The following AHI1 variants were observed in gnomAD, a reference collection of about 807,000 sequenced individuals.
AHI1 encodes Abelson helper integration site 1.
AHI1 carries 123 observed loss-of-function variants against 149.3 expected under a neutral mutation model. That is an observed-to-expected ratio of 0.82 (90% CI 0.71 to 0.96). AHI1 has a LOEUF of 0.96. Ranked by LOEUF, AHI1 falls within the 40% of genes least tolerant of loss-of-function variation. The pLI is 0.00. For synonymous variants in AHI1, 475 were observed against 459.8 expected (o/e 1.03, Z -0.42); for missense variants, 1,439 against 1,422.7 (o/e 1.01, Z -0.18).
At chr6:135,367,430 T>C (rs2128451293) in intron 23 of AHI1, among the ~76,000 whole-genome samples, 1 of 152,268 alleles carries the variant, frequency 6.6e-6, no homozygotes, top group South Asian at 2.1e-4. Flanking sequence ...GACGTTTCCC[T>C]AGATTATTCC....
chr6:135,400,020 GTTATCTT>G (rs962135988), intron 22 of AHI1, among the ~76,000 whole-genome samples: 1 of 151,980 alleles, frequency 6.6e-6, no homozygotes, highest in Admixed American at 6.6e-5. Flanking sequence ...GTCCCCAATA[GTTATCTT>G]TTCTGCTCCT....
intron 10 of AHI1, 122 bp downstream of exon 10, chr6:135,455,612 A>C: frequency 4.3e-6 from 3 of 701,196 alleles, no homozygotes; most frequent in Non-Finnish European, 6.5e-6. Context: ...ACTAAATCCT[A>C]GAGATTAAAT....
intron 24 of AHI1, among the ~76,000 whole-genome samples, chr6:135,349,279 G>T (rs984709386): frequency 1.3e-5 from 2 of 152,154 alleles, no homozygotes; most frequent in Non-Finnish European, 2.9e-5. Context: ...CACCACACCT[G>T]CCCCTTTTCT....
chr6:135,297,816 T>C (rs1284009162), intron 27 of AHI1, among the ~76,000 whole-genome samples: 2 of 151,828 alleles, frequency 1.3e-5, no homozygotes, highest in Non-Finnish European at 2.9e-5. Flanking sequence ...TAAAGAGAAA[T>C]GAAAGAGCCT....
intron 5 of AHI1, among the ~76,000 whole-genome samples, chr6:135,484,876 A>T (rs1794240053): frequency 6.6e-6 from 1 of 152,120 alleles, no homozygotes; most frequent in Admixed American, 6.5e-5. Context: ...CCCTTTTAAG[A>T]ACAGAATATC....
At chr6:135,411,020 G>C (rs554532133) in intron 21 of AHI1, among the ~76,000 whole-genome samples, 1 of 152,208 alleles carries the variant, frequency 6.6e-6, no homozygotes, top group East Asian at 1.9e-4. Flanking sequence ...TAAAGTCACA[G>C]CTTCTCTTTC....
chr6:135,455,646 CT>C, intron 10 of AHI1, 87 bp downstream of exon 10: 1 of 1,039,446 alleles, frequency 9.6e-7, no homozygotes, highest in Non-Finnish European at 1.3e-6. Flanking sequence ...TTTTTTTTGC[CT>C]TACTGGACTA....
chr6:135,478,422 G>A lies in AHI1; in HGVS notation c.136-10788C>T, dbSNP rs746218029. Among the ~76,000 whole-genome samples, 11 of 152,116 alleles carry A rather than the reference G, an allele frequency of 7.2e-5. No homozygotes were observed. In the East Asian group the frequency reaches 1.4e-3, roughly 19 times the overall value. On this transcript the variant is annotated intron_variant, in intron 5 of 28. Coordinates refer to ENST00000265602, the MANE Select transcript of AHI1 (RefSeq NM_001134831.2). ...TTGCTATACTTTAGCAGAGACTGGCGGCACTGTGACCCTGCTCTAGAGATA... is the reference window on the plus strand; with the variant it reads ...TTGCTATACTTTAGCAGAGACTGGCAGCACTGTGACCCTGCTCTAGAGATA...
chr6:135,419,058 G>T lies in AHI1; in HGVS notation c.2765-7514C>A, dbSNP rs548887675. Among the ~76,000 whole-genome samples the T allele has an allele frequency of 1.2e-3, 184 of 151,648 alleles. 1 individual carries two copies. Among genetic ancestry groups the T allele is most frequent in the African/African-American group, 4.1e-3 (169 of 41,332 alleles). ...CTATAGACTTAACACTTCAATTCTG[G>T]TAGCCTGTGTTTCAGGGCCTGTTAG... On this transcript the variant is annotated intron_variant, in intron 20 of 28. Coordinates refer to ENST00000265602, the MANE Select transcript of AHI1 (RefSeq NM_001134831.2).
intron 23 of AHI1, among the ~76,000 whole-genome samples, chr6:135,363,527 C>T (rs1479982366): frequency 2.0e-5 from 3 of 152,188 alleles, no homozygotes; most frequent in Non-Finnish European, 4.4e-5. Flanking sequence ...ACAAAACCGC[C>T]ATTGTCATCA....
intron 24 of AHI1, among the ~76,000 whole-genome samples, chr6:135,332,782 C>T (rs531213774): frequency 3.3e-5 from 5 of 152,268 alleles, no homozygotes; most frequent in African/African-American, 1.2e-4. Context: ...TCCTGATATA[C>T]AAGGAAAGGA....
At chr6:135,453,961 G>A (rs1163934616) in intron 10 of AHI1, among the ~76,000 whole-genome samples, 2 of 152,018 alleles carry the variant, frequency 1.3e-5, no homozygotes, top group Admixed American at 6.5e-5. Context: ...CACAGAGATC[G>A]TATTCTAGAT....
In AHI1 at chr6:135,371,623, A is replaced by G. The variant is rs556674674; in HGVS notation, c.3110-13436T>C. Reference sequence around the variant, plus strand: ...TACCTTCACAACTTTTATCTTCATGATAATCTTTTCAACTAATCTTCTATG... The same window carrying G: ...TACCTTCACAACTTTTATCTTCATGGTAATCTTTTCAACTAATCTTCTATG... On this transcript the variant is annotated intron_variant, in intron 23 of 28. Coordinates refer to ENST00000265602, the MANE Select transcript of AHI1 (RefSeq NM_001134831.2). 3.3e-5 allele frequency among the ~76,000 whole-genome samples: 5 copies of G among 152,296 alleles called. No individual in the cohort carries two copies. In the South Asian group the frequency reaches 1.0e-3, roughly 32 times the overall value.
intron 19 of AHI1, among the ~76,000 whole-genome samples, chr6:135,427,749 T>C (rs1228621651): frequency 6.6e-6 from 1 of 151,448 alleles, no homozygotes; most frequent in Non-Finnish European, 1.5e-5. Flanking sequence ...TTTTCCCAGA[T>C]GCTGTTTGAG....
intron 13 of AHI1, 120 bp downstream of exon 13, chr6:135,446,888 T>A: frequency 1.8e-6 from 2 of 1,121,548 alleles, no homozygotes; most frequent in Non-Finnish European, 2.5e-6. Flanking sequence ...AAAATTGTGG[T>A]TAAAAACAAG....
In AHI1 at chr6:135,401,844, T is replaced by TAA. The variant is rs1373167922; in HGVS notation, c.2988+3105_2988+3106dup. Among the ~76,000 whole-genome samples the TAA allele has an allele frequency of 4.6e-5, 7 of 152,080 alleles. No homozygotes were observed. The East Asian group carries it at 1.4e-3, about 29-fold the overall frequency. On this transcript the variant is annotated intron_variant, in intron 22 of 28. Coordinates refer to ENST00000265602, the MANE Select transcript of AHI1 (RefSeq NM_001134831.2). Reference sequence around the variant, plus strand: ...AAAAGAAAAAATAAACTGAACCTCATAAAAAAACCTTTTTGTTTCAAAAGA... The same window carrying TAA: ...AAAAGAAAAAATAAACTGAACCTCATAAAAAAAAACCTTTTTGTTTCAAAAGA...
rs1388960189 is a variant in AHI1, at chr6:135,342,498, T to C, written c.3165+15634A>G. On this transcript the variant is annotated intron_variant, in intron 24 of 28. Coordinates refer to ENST00000265602, the MANE Select transcript of AHI1 (RefSeq NM_001134831.2). The stretch of plus-strand genomic sequence containing the variant: ...AATACTGATGCAAAACCCTCAAAAA[T>C]ATACCAATAAACAGAATCAACATAT... 5.3e-5 allele frequency among the ~76,000 whole-genome samples: 8 copies of C among 151,814 alleles called. No individual in the cohort carries two copies. The East Asian group carries it at 1.4e-3, about 26-fold the overall frequency.
At chr6:135,405,011 A>C (rs1385145463) in intron 21 of AHI1, 34 bp from the exon 22 acceptor site, 1 of 1,558,708 alleles carries the variant, frequency 6.4e-7, no homozygotes, top group Non-Finnish European at 8.8e-7. Context: ...GGAAGTATTC[A>C]TAATTTCATT....
intron 20 of AHI1, among the ~76,000 whole-genome samples, chr6:135,417,107 T>C (rs560544618): frequency 6.6e-6 from 1 of 152,216 alleles, no homozygotes; most frequent in East Asian, 1.9e-4. Flanking sequence ...TGTTTAACAT[T>C]AGTAGGTGGG....
Sources: allele counts gnomAD v4.1 joint callset (sites outside exome capture counted in the v4.1 genomes callset), GRCh38; gene constraint gnomAD v4.1.1; transcripts MANE v1.5; gene names NCBI Gene and HGNC (gene_info 2026-07-23, HGNC 2026-07-21).